SLC23A2: variants seen among roughly 807,000 people sequenced by gnomAD.
SLC23A2 encodes the protein Na(+)/L-ascorbic acid transporter 2.
Under a neutral mutation model 73.3 loss-of-function variants are expected in SLC23A2, and 36 were observed. That is an observed-to-expected ratio of 0.49 (90% CI 0.38 to 0.65). SLC23A2 has a LOEUF of 0.65. SLC23A2 is among the 30% of genes least tolerant of loss of function. SLC23A2 has a pLI of 0.00. For synonymous variants in SLC23A2, 343 were observed against 327.3 expected (o/e 1.05, Z -0.52); for missense variants, 507 against 841.6 (o/e 0.60, Z 4.92).
chr20:4,884,896 A>G, intron 7 of SLC23A2, 73 bp from the exon 8 acceptor site: 1 of 882,688 alleles, frequency 1.1e-6, no homozygotes, highest in Non-Finnish European at 1.7e-6. Flanking sequence ...TTACCTTTTA[A>G]GAAGAATTTT....
rs1046977990 is a variant in SLC23A2 at position 4,855,171 on chromosome 20, T to C, written c.*1801A>G. The C allele has an allele frequency of 1.3e-5, 2 of 152,600 alleles. No homozygotes were observed. 9.5% of individuals were successfully genotyped at this position (152,600 alleles called of 1,614,324 possible). A position where few individuals can be genotyped will look rare whatever the true frequency, so the allele number is the denominator to read the frequency against. On this transcript the variant is annotated 3_prime_UTR_variant, in exon 17 of 17. Transcript: ENST00000338244. ...ACAATGCAGTGGCTCCGAGGTGTTC[T>C]TGCCAGAATAAACCTTGAAGCCCCA...
At position 4,970,935 on chromosome 20, in the gene SLC23A2, T is replaced by C. The variant is rs768998927; in HGVS notation, c.-281-16A>G. On this transcript the variant is annotated splice_polypyrimidine_tract_variant and intron_variant, in intron 1 of 16. Transcript: ENST00000338244. ...CAAGACCTAGCTGGAGAAAAGCAAA[T>C]GGTAAATTAAAAGTAATAACAAACC... is the stretch of plus-strand genomic sequence containing the variant. 9 of 152,084 alleles carry C rather than the reference T, an allele frequency of 5.9e-5. No individual in the cohort carries two copies. Among genetic ancestry groups the C allele is most frequent in the Non-Finnish European group, 8.8e-5 (6 of 68,016 alleles). 9.4% of individuals were successfully genotyped at this position (152,084 alleles called of 1,614,324 possible).
chr20:4,914,998 C>G (rs1211630094), intron 3 of SLC23A2, among the ~76,000 whole-genome samples: 1 of 151,850 alleles, frequency 6.6e-6, no homozygotes, highest in Admixed American at 6.6e-5. Flanking sequence ...CCTGGGTGAC[C>G]GAGCAAGACA....
intron 3 of SLC23A2, among the ~76,000 whole-genome samples, chr20:4,925,383 A>G (rs1048568916): frequency 2.0e-5 from 3 of 151,970 alleles, no homozygotes; most frequent in African/African-American, 7.3e-5. Flanking sequence ...ATTTTTCTTC[A>G]CAGAATTAGT....
chr20:4,903,791 A>G (rs1466874481), intron 4 of SLC23A2, among the ~76,000 whole-genome samples: 4 of 152,252 alleles, frequency 2.6e-5, no homozygotes, highest in Non-Finnish European at 4.4e-5. Flanking sequence ...TGAATTTGTT[A>G]CAATGGATTA....
chr20:4,930,023 C>T (rs1182814724), intron 3 of SLC23A2, among the ~76,000 whole-genome samples: 1 of 152,036 alleles, frequency 6.6e-6, no homozygotes, highest in African/African-American at 2.4e-5. Context: ...AAGAAGAACG[C>T]AAAAAATAAC....
At position 4,862,751 on chromosome 20, in the gene SLC23A2, G is replaced by C. The variant is rs1255984380; in HGVS notation, c.1486+27C>G. ...CCTATTAAAAATTTGGAAAAGTAAA[G>C]GAAAAAGCCAGAGAGGGGAGTCTTA... On this transcript the variant is annotated intron_variant, in intron 14 of 16. Coordinates refer to ENST00000338244, the MANE Select transcript of SLC23A2 (RefSeq NM_005116.6). This position sits in a 1 kb window ranked among gnomAD's most constrained non-coding sequence, Gnocchi z 5.1. The C allele has an allele frequency of 3.8e-6, 6 of 1,592,432 alleles. No homozygotes were observed. Among genetic ancestry groups the C allele is most frequent in the Non-Finnish European group, 5.2e-6 (6 of 1,164,042 alleles).
Position 4,976,930 on chromosome 20 carries a change from C to T in SLC23A2, c.-281-6011G>A, listed in dbSNP as rs186723528. 9.2e-5 allele frequency among the ~76,000 whole-genome samples: 14 copies of T among 151,982 alleles called. No individual in the cohort carries two copies. In the East Asian group the frequency reaches 2.7e-3, roughly 29 times the overall value. ...GGCGGAGGTTGCAGTGAGCCAAGATCACACCACTGCACTTCAGCCTGGGTG... is the reference window on the plus strand; with the variant it reads ...GGCGGAGGTTGCAGTGAGCCAAGATTACACCACTGCACTTCAGCCTGGGTG... On this transcript the variant is annotated intron_variant, in intron 1 of 16. Transcript: ENST00000338244.
At chr20:4,867,702 G>GC in intron 13 of SLC23A2, 68 bp downstream of exon 13, 1 of 854,924 alleles carries the variant, frequency 1.2e-6, no homozygotes, top group Non-Finnish European at 1.9e-6. Flanking sequence ...ACTTGCAGTG[G>GC]CCAGATCGAT....
chr20:4,873,759 T>C, intron 11 of SLC23A2, 177 bp downstream of exon 11: 1 of 552,382 alleles, frequency 1.8e-6, no homozygotes, highest in Non-Finnish European at 3.1e-6. Flanking sequence ...CTCTGTGTGT[T>C]GGTTTCTGCC....
chr20:4,960,647 CA>C (rs1431690326), intron 2 of SLC23A2, among the ~76,000 whole-genome samples: 2 of 152,160 alleles, frequency 1.3e-5, no homozygotes, highest in African/African-American at 4.8e-5. Flanking sequence ...TTAAATCACG[CA>C]ATCATTATTA....
intron 1 of SLC23A2, among the ~76,000 whole-genome samples, chr20:4,997,535 C>T (rs1216151933): frequency 1.3e-5 from 2 of 151,082 alleles, no homozygotes; most frequent in African/African-American, 2.4e-5. Context: ...ATATTGAAGC[C>T]CTACCCCCAC....
chr20:4,895,310 C>A (rs969943324), intron 6 of SLC23A2, among the ~76,000 whole-genome samples: 1 of 152,180 alleles, frequency 6.6e-6, no homozygotes, highest in Non-Finnish European at 1.5e-5. Flanking sequence ...GGCCTGCACG[C>A]CCGGCTGCAT....
chr20:4,969,806 G>A (rs1224759649), intron 2 of SLC23A2, among the ~76,000 whole-genome samples: 3 of 151,958 alleles, frequency 2.0e-5, no homozygotes, highest in Non-Finnish European at 4.4e-5. Context: ...CTTTTCTGAA[G>A]GATAATTTAC....
At chr20:4,900,946 G>A (rs1931722625) in intron 5 of SLC23A2, among the ~76,000 whole-genome samples, 1 of 152,180 alleles carries the variant, frequency 6.6e-6, no homozygotes, top group Admixed American at 6.5e-5. Flanking sequence ...GTTTCCTGGG[G>A]TGAAATACTC....
At chr20:4,904,500 C>T (rs1049086986) in intron 4 of SLC23A2, among the ~76,000 whole-genome samples, 15 of 152,038 alleles carry the variant, frequency 9.9e-5, no homozygotes, top group African/African-American at 3.4e-4. Context: ...TAAAACAGCT[C>T]TGCTGAATTC....
rs527369411 is a variant in SLC23A2 at position 4,899,248 on chromosome 20, G to A, written c.482+307C>T. On this transcript the variant is annotated intron_variant, in intron 6 of 16. Transcript: ENST00000338244. This position sits in a 1 kb window ranked among gnomAD's most constrained non-coding sequence, Gnocchi z 4.9. The stretch of plus-strand genomic sequence containing the variant: ...CCTGGTGGGACACTCTGGTCTGAAC[G>A]TAAGGAATAGGGGCACAGAGGGGTG... Among the ~76,000 whole-genome samples the A allele has an allele frequency of 2.0e-5, 3 of 152,278 alleles. No homozygotes were observed. The highest frequency in any genetic ancestry group is 2.1e-4 in the South Asian group (1 of 4,826).
intron 1 of SLC23A2, among the ~76,000 whole-genome samples, chr20:4,982,895 C>T (rs888168128): frequency 2.0e-5 from 3 of 151,694 alleles, no homozygotes; most frequent in South Asian, 2.1e-4. Flanking sequence ...CACCTGAGGT[C>T]GGGAATTCGA....
chr20:4,966,839 C>CAT (rs1254169599), intron 2 of SLC23A2, among the ~76,000 whole-genome samples: 35 of 148,500 alleles, frequency 2.4e-4, no homozygotes, highest in South Asian at 4.3e-4. Context: ...CACACACACA[C>CAT]ACACACACAC....
Sources: allele counts gnomAD v4.1 joint callset (sites outside exome capture counted in the v4.1 genomes callset), GRCh38; gene constraint gnomAD v4.1.1; non-coding constraint Gnocchi (gnomAD v3.1); transcripts MANE v1.5; gene names NCBI Gene and HGNC (gene_info 2026-07-23, HGNC 2026-07-21).